GPC5: variants seen among roughly 807,000 people sequenced by gnomAD.
GPC5 encodes glypican 5.
Under a neutral mutation model 53.9 loss-of-function variants are expected in GPC5, and 47 were observed. That is an observed-to-expected ratio of 0.87 (90% CI 0.69 to 1.11). The LOEUF (loss-of-function observed/expected upper bound fraction) is 1.11. GPC5 is among the 50% of genes most tolerant of loss of function. The pLI, the probability that GPC5 is intolerant of heterozygous loss-of-function variation, is 0.00. For missense variants in GPC5, 748 were observed against 713.1 expected, an observed-to-expected ratio of 1.05 and a Z score of -0.56; for synonymous variants, 286 against 263.3, an observed-to-expected ratio of 1.09 and a Z score of -0.84.
At chr13:92,827,540 T>C (rs1311952027) in intron 7 of GPC5, among the ~76,000 whole-genome samples, 2 of 152,118 alleles carry the variant, frequency 1.3e-5, no homozygotes, top group African/African-American at 4.8e-5. Flanking sequence ...CTGAGCTAAC[T>C]GAGATAACAG....
intron 7 of GPC5, among the ~76,000 whole-genome samples, chr13:92,309,341 A>C (rs1692450946): frequency 6.6e-6 from 1 of 152,108 alleles, no homozygotes. Context: ...CTTGTTTCAC[A>C]CATCTGACTA....
At chr13:92,717,030 T>C (rs766863625) in intron 7 of GPC5, among the ~76,000 whole-genome samples, 26 of 151,988 alleles carry the variant, frequency 1.7e-4, no homozygotes, top group Admixed American at 4.6e-4. Context: ...ACAGAGAGGC[T>C]AAGAGTCAAG....
At chr13:92,018,668 A>G (rs960011939) in intron 6 of GPC5, among the ~76,000 whole-genome samples, 10 of 152,142 alleles carry the variant, frequency 6.6e-5, no homozygotes, top group African/African-American at 2.4e-4. Flanking sequence ...CATTAAAAAT[A>G]CGTAACTAGA....
intron 5 of GPC5, among the ~76,000 whole-genome samples, chr13:91,758,866 A>C (rs542009677): frequency 6.6e-6 from 1 of 152,164 alleles, no homozygotes; most frequent in African/African-American, 2.4e-5. Flanking sequence ...TTCCAACCTC[A>C]TCACCTTAAT....
chr13:92,747,314 G>A (rs1889263443), intron 7 of GPC5, among the ~76,000 whole-genome samples: 2 of 152,164 alleles, frequency 1.3e-5, no homozygotes, highest in Admixed American at 6.6e-5. Context: ...CTTAAGACCA[G>A]TGGTATTCTC....
chr13:92,403,086 A>G (rs1343598878), intron 7 of GPC5, among the ~76,000 whole-genome samples: 1 of 152,204 alleles, frequency 6.6e-6, no homozygotes, highest in Non-Finnish European at 1.5e-5. Context: ...ATTTCAATGT[A>G]GAAGTGCTGT....
At chr13:91,676,829 G>A (rs530267277) in intron 2 of GPC5, among the ~76,000 whole-genome samples, 37 of 152,318 alleles carry the variant, frequency 2.4e-4, no homozygotes, top group Non-Finnish European at 4.3e-4. Context: ...CTGTTGTTGG[G>A]TATAGTTAGA....
chr13:91,965,846 G>A (rs573806396), intron 6 of GPC5, among the ~76,000 whole-genome samples: 1 of 152,100 alleles, frequency 6.6e-6, no homozygotes. Context: ...TAATTATCAT[G>A]AAGTTTTCTC....
intron 7 of GPC5, among the ~76,000 whole-genome samples, chr13:92,672,263 CA>C (rs1323273066): frequency 6.6e-6 from 1 of 152,106 alleles, no homozygotes; most frequent in East Asian, 1.9e-4. Context: ...TTTGTCTTCA[CA>C]AGATTGCAAA....
chr13:92,241,394 A>G (rs2042610528), intron 7 of GPC5: 2 of 152,198 alleles, frequency 1.3e-5, no homozygotes, highest in Admixed American at 6.5e-5. Flanking sequence ...GCCTAGAAGG[A>G]TAAAATTTTA....
chr13:92,070,289 TA>T (rs1376945439), intron 6 of GPC5, among the ~76,000 whole-genome samples: 1 of 152,146 alleles, frequency 6.6e-6, no homozygotes, highest in African/African-American at 2.4e-5. Context: ...GAGCCTCCAA[TA>T]AAAAATGCAA....
chr13:91,845,477 T>A (rs1485207844), intron 5 of GPC5, among the ~76,000 whole-genome samples: 1 of 152,236 alleles, frequency 6.6e-6, no homozygotes, highest in African/African-American at 2.4e-5. Context: ...TACCTTTTTG[T>A]TGTTGTTAAG....
At chr13:92,497,522 T>C (rs1457890719) in intron 7 of GPC5, among the ~76,000 whole-genome samples, 1 of 152,210 alleles carries the variant, frequency 6.6e-6, no homozygotes, top group Non-Finnish European at 1.5e-5. Context: ...TAGTATAGTT[T>C]GAAGTCAGGT....
intron 5 of GPC5, among the ~76,000 whole-genome samples, chr13:91,848,112 A>G (rs1594614825): frequency 6.6e-6 from 1 of 152,250 alleles, no homozygotes; most frequent in Non-Finnish European, 1.5e-5. Flanking sequence ...AACTTTTCAC[A>G]TAAAAATCAT....
At chr13:92,816,035 G>A (rs780433286) in intron 7 of GPC5, among the ~76,000 whole-genome samples, 1 of 151,910 alleles carries the variant, frequency 6.6e-6, no homozygotes, top group African/African-American at 2.4e-5. Context: ...TAATTTGGGA[G>A]TCATTTGCCC....
chr13:91,986,031 T>G (rs2040403875), intron 6 of GPC5, among the ~76,000 whole-genome samples: 1 of 150,634 alleles, frequency 6.6e-6, no homozygotes, highest in Non-Finnish European at 1.5e-5. Context: ...AAAATATATA[T>G]CTATATTTTA....
intron 5 of GPC5, among the ~76,000 whole-genome samples, chr13:91,882,670 G>GTTTTTTTTTTTTTTTTTTTTTGTTT: frequency 3.4e-5 from 2 of 59,320 alleles, no homozygotes; most frequent in African/African-American, 1.4e-4. Context: ...TGTTTTTTGG[G>GTTTTTTTTTTTTTTTTTTTTTGTTT]TTTTTTTTTT....
At chr13:91,974,311 G>A (rs1381430821) in intron 6 of GPC5, among the ~76,000 whole-genome samples, 1 of 152,162 alleles carries the variant, frequency 6.6e-6, no homozygotes, top group Non-Finnish European at 1.5e-5. Flanking sequence ...TTCAATTAGG[G>A]AAAGAGGAAG....
chr13:92,436,569 T>C (rs1877314011), intron 7 of GPC5, among the ~76,000 whole-genome samples: 1 of 152,180 alleles, frequency 6.6e-6, no homozygotes, highest in Admixed American at 6.6e-5. Context: ...CACTCATCCT[T>C]CCACAATCTG....
Sources: gnomAD v4.1 joint callset for allele counts (sites outside exome capture counted in the v4.1 genomes callset) on GRCh38, gnomAD v4.1.1 for gene constraint, MANE v1.5 for transcripts, NCBI Gene and HGNC (gene_info 2026-07-23, HGNC 2026-07-21) for gene names.